The following PCDHA8 variants were observed in gnomAD, a reference collection of about 807,000 sequenced individuals.
PCDHA8 encodes the protein protocadherin alpha-8.
A neutral mutation model predicts 61.8 loss-of-function variants in PCDHA8; 53 were observed. The observed-to-expected ratio is 0.86, with a 90% CI of 0.69 to 1.08. PCDHA8 has a LOEUF of 1.08. PCDHA8 is among the 50% of genes least tolerant of loss of function. The pLI is 0.00. For synonymous variants in PCDHA8, 618 were observed against 556.6 expected (o/e 1.11, Z -1.55); for missense variants, 1,293 against 1,245.0 (o/e 1.04, Z -0.58).
At chr5:140,974,905 A>G (rs1276795577) in intron 1 of PCDHA8, among the ~76,000 whole-genome samples, 2 of 152,208 alleles carry the variant, frequency 1.3e-5, no homozygotes, top group African/African-American at 4.8e-5. Context: ...TTTGTAACAA[A>G]TTACCACAAG....
chr5:140,950,526 T>C (rs190195358), intron 1 of PCDHA8, among the ~76,000 whole-genome samples: 17 of 152,212 alleles, frequency 1.1e-4, no homozygotes, highest in Admixed American at 9.2e-4. Flanking sequence ...GATATGATTG[T>C]TTTTGTTGCT....
chr5:140,903,818 T>A (rs1554191152), intron 1 of PCDHA8, among the ~76,000 whole-genome samples: 1 of 152,202 alleles, frequency 6.6e-6, no homozygotes. Context: ...AGTTCTCACA[T>A]GAATGTCTGT....
At chr5:140,958,620 T>C (rs1260968586) in intron 1 of PCDHA8, among the ~76,000 whole-genome samples, 1 of 152,132 alleles carries the variant, frequency 6.6e-6, no homozygotes, top group African/African-American at 2.4e-5. Flanking sequence ...CTAGTCCAGC[T>C]TGAGAGTACT....
At chr5:140,881,388 G>A (rs2058697659) in intron 1 of PCDHA8, 1 of 983,292 alleles carries the variant, frequency 1.0e-6, no homozygotes, top group Non-Finnish European at 1.2e-6. Context: ...GCGGCGGTAA[G>A]TTAAATTCTA....
chr5:140,850,398 C>T, intron 1 of PCDHA8: 2 of 1,597,936 alleles, frequency 1.3e-6, no homozygotes, highest in Non-Finnish European at 1.7e-6. Flanking sequence ...CAGCACAACG[C>T]GTGCCCTGGA....
chr5:140,955,647 T>G (rs1395732517), intron 1 of PCDHA8, among the ~76,000 whole-genome samples: 1 of 152,116 alleles, frequency 6.6e-6, no homozygotes, highest in Non-Finnish European at 1.5e-5. Context: ...AACAAATTAA[T>G]ACACATATGA....
At chr5:140,992,605 A>C (rs2097521923) in intron 3 of PCDHA8, among the ~76,000 whole-genome samples, 1 of 152,166 alleles carries the variant, frequency 6.6e-6, no homozygotes, top group South Asian at 2.1e-4. Flanking sequence ...TCTGTGTCTA[A>C]GTGAAAGCAG....
chr5:140,863,613 C>T, intron 1 of PCDHA8: 2 of 338,450 alleles, frequency 5.9e-6, no homozygotes, highest in South Asian at 4.9e-5. Flanking sequence ...TAATGTCCCT[C>T]ATAGTGACAT....
At chr5:140,902,575 T>A (rs1200474088) in intron 1 of PCDHA8, among the ~76,000 whole-genome samples, 1 of 152,082 alleles carries the variant, frequency 6.6e-6, no homozygotes, top group Non-Finnish European at 1.5e-5. Flanking sequence ...TTTTTAAGAT[T>A]TCAATAGTTT....
chr5:140,863,224 G>A, intron 1 of PCDHA8: 2 of 1,143,744 alleles, frequency 1.7e-6, no homozygotes, highest in Non-Finnish European at 2.5e-6. Context: ...AGCGAGGAAG[G>A]TCCCATCGCG....
intron 1 of PCDHA8, chr5:140,862,835 G>T (rs781856164): frequency 3.5e-6 from 2 of 575,630 alleles, no homozygotes; most frequent in African/African-American, 1.9e-5. Flanking sequence ...CGCGACGCGG[G>T]CATGCCGCCT....
At chr5:140,915,207 A>G (rs1238146165) in intron 1 of PCDHA8, among the ~76,000 whole-genome samples, 2 of 152,154 alleles carry the variant, frequency 1.3e-5, no homozygotes, top group Non-Finnish European at 2.9e-5. Flanking sequence ...TTGGCCTCCC[A>G]AAGTGCTGGG....
chr5:140,857,895 G>A lies in PCDHA8; in HGVS notation c.2394+14180G>A, dbSNP rs373881159. Reference sequence around the variant, plus strand: ...TATGAATTGCAGTCGGCGGCGGTTGGTGCACGCATCCCGTTTCGCGTGGGG... The same window carrying A: ...TATGAATTGCAGTCGGCGGCGGTTGATGCACGCATCCCGTTTCGCGTGGGG... On this transcript the variant is annotated intron_variant, in intron 1 of 3. Transcript: ENST00000531613. The A allele has an allele frequency of 3.9e-5, 62 of 1,597,752 alleles. 5 individuals carry two copies. Among genetic ancestry groups the A allele is most frequent in the Non-Finnish European group, 5.1e-5 (59 of 1,167,572 alleles).
chr5:141,011,890 A>G lies in PCDHA8; in HGVS notation c.*1953A>G, dbSNP rs7701616. 0.061 allele frequency: 9,307 copies of G among 153,488 alleles called. 355 individuals carry two copies. The highest frequency in any genetic ancestry group is 0.11 in the South Asian group (541 of 4,828). The allele number at this position is 153,488 out of a possible 1,614,324, so 9.5% of individuals were successfully genotyped here. On this transcript the variant is annotated 3_prime_UTR_variant, in exon 4 of 4. Coordinates refer to ENST00000531613, the MANE Select transcript of PCDHA8 (RefSeq NM_018911.3). ...GTACAATTTAGAAGTTTGATTAATT[A>G]TATTATCTATTTAGGCATTAATATA... is the stretch of plus-strand genomic sequence containing the variant.
chr5:140,884,709 C>T (rs2060331114), intron 1 of PCDHA8: 1 of 1,477,632 alleles, frequency 6.8e-7, no homozygotes. Context: ...CTTTAGCCTT[C>T]CTTGCAGTTG....
At chr5:140,934,690 T>G (rs1263392505) in intron 1 of PCDHA8, among the ~76,000 whole-genome samples, 1 of 152,198 alleles carries the variant, frequency 6.6e-6, no homozygotes, top group Non-Finnish European at 1.5e-5. Flanking sequence ...AAACAATGAA[T>G]TGATTCCTGG....
At chr5:140,874,185 G>A (rs551629220) in intron 1 of PCDHA8, among the ~76,000 whole-genome samples, 33 of 152,158 alleles carry the variant, frequency 2.2e-4, no homozygotes, top group Non-Finnish European at 4.6e-4. Context: ...TTGTAAAGGT[G>A]TCATATTTCA....
chr5:140,977,640 G>A (rs2096769670), intron 1 of PCDHA8, among the ~76,000 whole-genome samples: 1 of 152,124 alleles, frequency 6.6e-6, no homozygotes, highest in South Asian at 2.1e-4. Flanking sequence ...CTTTTTCTGG[G>A]CCTTGACTTT....
intron 1 of PCDHA8, among the ~76,000 whole-genome samples, chr5:140,952,990 G>T (rs1218296143): frequency 6.6e-6 from 1 of 152,042 alleles, no homozygotes; most frequent in Non-Finnish European, 1.5e-5. Context: ...GATCTCATGA[G>T]AACTCTCTCA....
Sources: gnomAD v4.1 joint callset for allele counts (sites outside exome capture counted in the v4.1 genomes callset) on GRCh38, gnomAD v4.1.1 for gene constraint, MANE v1.5 for transcripts, NCBI Gene and HGNC (gene_info 2026-07-23, HGNC 2026-07-21) for gene names.